Variants in TMEM132D observed in about 807,000 individuals in gnomAD.
The protein encoded by TMEM132D is mature OL transmembrane protein.
TMEM132D carries 21 observed loss-of-function variants against 62.3 expected under a neutral mutation model. That is an observed-to-expected ratio of 0.34 (90% CI 0.24 to 0.49). The LOEUF (loss-of-function observed/expected upper bound fraction) is 0.49, where lower values mean the gene tolerates loss of function less well. Among genes scored for constraint, TMEM132D ranks in the 20% least tolerant of loss-of-function variants. The pLI, the probability that TMEM132D is intolerant of heterozygous loss-of-function variation, is 0.99. For synonymous variants in TMEM132D, 621 were observed against 575.6 expected (o/e 1.08, Z -1.13); for missense variants, 1,346 against 1,402.8 (o/e 0.96, Z 0.65).
At chr12:129,629,496 C>T (rs1163389284) in intron 2 of TMEM132D, among the ~76,000 whole-genome samples, 1 of 152,166 alleles carries the variant, frequency 6.6e-6, no homozygotes, top group Non-Finnish European at 1.5e-5. Flanking sequence ...ACCCTCCCCA[C>T]CTAGGAGGCA....
At chr12:129,200,343 T>G (rs972697194) in intron 5 of TMEM132D, among the ~76,000 whole-genome samples, 1 of 152,198 alleles carries the variant, frequency 6.6e-6, no homozygotes, top group Admixed American at 6.5e-5. Flanking sequence ...CCTTCACTAA[T>G]CAAAAGTGCA....
intron 2 of TMEM132D, among the ~76,000 whole-genome samples, chr12:129,594,916 T>C (rs531210272): frequency 9.2e-5 from 14 of 152,314 alleles, no homozygotes; most frequent in African/African-American, 3.4e-4. Flanking sequence ...ATGAACACAA[T>C]GCAAATATAC....
Position 129,903,168 on chromosome 12 carries a change from C to T in TMEM132D, c.79+93G>A. 1 of 1,338,086 alleles carries T rather than the reference C, an allele frequency of 7.5e-7. No homozygotes were observed. Among genetic ancestry groups the T allele is most frequent in the Non-Finnish European group, 1.0e-6 (1 of 960,406 alleles). The allele number at this position is 1,338,086 out of a possible 1,614,324, so 82.9% of individuals were successfully genotyped here. Reference sequence around the variant, plus strand: ...GCGCACACACACTTGCACACGAGCCCTCTCTCCCGGCCGCCCCCATCCTCC... The same window carrying T: ...GCGCACACACACTTGCACACGAGCCTTCTCTCCCGGCCGCCCCCATCCTCC... On this transcript the variant is annotated intron_variant, in intron 1 of 8. Transcript: ENST00000422113. The surrounding 1 kb of genome is among the most constrained non-coding windows in gnomAD (Gnocchi z 6.2).
At chr12:129,497,831 T>G (rs1875006825) in intron 3 of TMEM132D, among the ~76,000 whole-genome samples, 1 of 152,068 alleles carries the variant, frequency 6.6e-6, no homozygotes, top group Admixed American at 6.6e-5. Context: ...AGCTAATTTT[T>G]TATGTTTTTA....
rs574604010 is a variant in TMEM132D at position 129,131,562 on chromosome 12, G to A, written c.1444-46860C>T. On this transcript the variant is annotated intron_variant, in intron 5 of 8. Transcript: ENST00000422113. ...GTGGAGGTTGCAGTGAGCCAAGATC[G>A]TGGCCACTGCACTCCAGCTTGGGTG... Among the ~76,000 whole-genome samples the A allele has an allele frequency of 1.3e-4, 20 of 152,228 alleles. No individual in the cohort carries two copies. In the East Asian group the frequency reaches 1.4e-3, roughly 10 times the overall value.
intron 4 of TMEM132D, among the ~76,000 whole-genome samples, chr12:129,258,474 C>T (rs1221649015): frequency 6.6e-6 from 1 of 152,126 alleles, no homozygotes; most frequent in East Asian, 1.9e-4. Context: ...TCATAATATA[C>T]ATTGGCTTGT....
chr12:129,379,788 G>C (rs981954238), intron 3 of TMEM132D, among the ~76,000 whole-genome samples: 1 of 152,112 alleles, frequency 6.6e-6, no homozygotes, highest in Admixed American at 6.5e-5. Context: ...GGTAATTTCT[G>C]GGAAAGAAAT....
At chr12:129,602,878 T>C (rs1162828113) in intron 2 of TMEM132D, among the ~76,000 whole-genome samples, 1 of 152,098 alleles carries the variant, frequency 6.6e-6, no homozygotes, top group South Asian at 2.1e-4. Context: ...CTTACAACCA[T>C]AGCAGAAGGG....
At chr12:129,717,477 A>C (rs1868631980) in intron 1 of TMEM132D, among the ~76,000 whole-genome samples, 1 of 150,386 alleles carries the variant, frequency 6.6e-6, no homozygotes, top group Non-Finnish European at 1.5e-5. Flanking sequence ...ATTTAATAAA[A>C]TTTTAATAAA....
chr12:129,486,539 T>C (rs1253738777), intron 3 of TMEM132D, among the ~76,000 whole-genome samples: 1 of 152,072 alleles, frequency 6.6e-6, no homozygotes, highest in Non-Finnish European at 1.5e-5. Flanking sequence ...TTTTCCAAGG[T>C]CCCAAGCTAA....
intron 4 of TMEM132D, among the ~76,000 whole-genome samples, chr12:129,259,036 A>G (rs143907510): frequency 2.6e-5 from 4 of 152,296 alleles, no homozygotes; most frequent in African/African-American, 9.6e-5. Context: ...GTGGCTGAGC[A>G]TTAGGGCTTC....
intron 2 of TMEM132D, among the ~76,000 whole-genome samples, chr12:129,634,096 G>T (rs1188660602): frequency 6.6e-6 from 1 of 152,058 alleles, no homozygotes; most frequent in African/African-American, 2.4e-5. Context: ...ATCCTCCCTG[G>T]CGTTGTCACG....
At chr12:129,268,295 G>A (rs1486299102) in intron 4 of TMEM132D, among the ~76,000 whole-genome samples, 1 of 151,968 alleles carries the variant, frequency 6.6e-6, no homozygotes, top group African/African-American at 2.4e-5. Context: ...TCTGACAAAG[G>A]GCTAATATCC....
intron 3 of TMEM132D, among the ~76,000 whole-genome samples, chr12:129,404,674 G>A (rs111638979): frequency 0.026 from 3,962 of 152,226 alleles, 178 homozygotes; most frequent in African/African-American, 0.09. Flanking sequence ...GATGGCAGGG[G>A]GCAGGGGGGT....
intron 5 of TMEM132D, among the ~76,000 whole-genome samples, chr12:129,153,358 G>C (rs530104553): frequency 1.3e-5 from 2 of 152,152 alleles, no homozygotes; most frequent in Non-Finnish European, 2.9e-5. Context: ...GGCATACAAA[G>C]GTTGAAAACG....
chr12:129,382,862 G>A (rs907007404), intron 3 of TMEM132D, among the ~76,000 whole-genome samples: 4 of 152,070 alleles, frequency 2.6e-5, no homozygotes, highest in Admixed American at 6.5e-5. Flanking sequence ...GTGCTGTTGC[G>A]GTCCGTGTTT....
intron 8 of TMEM132D, 113 bp downstream of exon 8, chr12:129,078,421 C>T: frequency 9.2e-7 from 1 of 1,081,796 alleles, no homozygotes; most frequent in Non-Finnish European, 1.3e-6. Flanking sequence ...GAAACAAACG[C>T]CCGATATATG....
intron 5 of TMEM132D, among the ~76,000 whole-genome samples, chr12:129,197,392 AT>A (rs2135559339): frequency 6.6e-6 from 1 of 152,304 alleles, no homozygotes; most frequent in Non-Finnish European, 1.5e-5. Context: ...CTGATGATGC[AT>A]CAGAACTCTC....
intron 1 of TMEM132D, among the ~76,000 whole-genome samples, chr12:129,890,403 A>C (rs1290207359): frequency 2.6e-5 from 4 of 152,206 alleles, no homozygotes; most frequent in Admixed American, 2.0e-4. Flanking sequence ...GATTGGGGCC[A>C]GAATAGGAAC....
Sources: allele counts gnomAD v4.1 joint callset (sites outside exome capture counted in the v4.1 genomes callset), GRCh38; gene constraint gnomAD v4.1.1; non-coding constraint Gnocchi (gnomAD v3.1); transcripts MANE v1.5; gene names NCBI Gene and HGNC (gene_info 2026-07-23, HGNC 2026-07-21).